NBEA: variants seen among roughly 807,000 people sequenced by gnomAD.
NBEA encodes the protein lysosomal-trafficking regulator 2.
NBEA carries 44 observed loss-of-function variants against 343.4 expected under a neutral mutation model. That is an observed-to-expected ratio of 0.13 (90% CI 0.10 to 0.16). The LOEUF (loss-of-function observed/expected upper bound fraction) is 0.16. NBEA is among the 10% of genes least tolerant of loss of function. NBEA has a pLI of 1.00. For missense variants in NBEA, 2,555 were observed against 3,631.3 expected (o/e 0.70, Z 7.62); for synonymous variants, 1,175 against 1,238.7 (o/e 0.95, Z 1.08).
chr13:34,974,853 G>C (rs1414593255), intron 1 of NBEA, among the ~76,000 whole-genome samples: 1 of 152,132 alleles, frequency 6.6e-6, no homozygotes, highest in East Asian at 1.9e-4. Context: ...GAAATAGCTT[G>C]TTCACTTGCT....
chr13:35,548,448 A>T (rs1387783976), intron 41 of NBEA, among the ~76,000 whole-genome samples: 3 of 152,218 alleles, frequency 2.0e-5, no homozygotes, highest in Non-Finnish European at 2.9e-5. Flanking sequence ...GTGTATACAC[A>T]TGTGAGATAT....
chr13:35,193,272 T>C (rs576494188), intron 30 of NBEA, among the ~76,000 whole-genome samples: 55 of 152,090 alleles, frequency 3.6e-4, no homozygotes, highest in African/African-American at 1.2e-3. Flanking sequence ...TCTTATCTTC[T>C]CATTCTAGAT....
chr13:35,244,939 C>G (rs973242041), intron 34 of NBEA, among the ~76,000 whole-genome samples: 2 of 152,024 alleles, frequency 1.3e-5, no homozygotes, highest in Non-Finnish European at 2.9e-5. Context: ...ACTGATTCGT[C>G]TACATTAACT....
chr13:35,081,099 A>G (rs2064369518), intron 10 of NBEA, among the ~76,000 whole-genome samples: 1 of 152,162 alleles, frequency 6.6e-6, no homozygotes, highest in African/African-American at 2.4e-5. Flanking sequence ...GCTTCGTAGT[A>G]TGGCTTGCTG....
At chr13:35,077,910 A>G (rs1475710611) in intron 10 of NBEA, among the ~76,000 whole-genome samples, 4 of 152,166 alleles carry the variant, frequency 2.6e-5, no homozygotes, top group Admixed American at 2.6e-4. Flanking sequence ...GTATTTATGA[A>G]TAAAAGGTGC....
intron 41 of NBEA, among the ~76,000 whole-genome samples, chr13:35,501,891 T>A (rs539912746): frequency 1.3e-5 from 2 of 152,246 alleles, no homozygotes; most frequent in African/African-American, 4.8e-5. Context: ...CTGATTTTTT[T>A]CCACATTGTC....
chr13:35,337,107 A>C (rs2039307908), intron 36 of NBEA, among the ~76,000 whole-genome samples: 1 of 151,602 alleles, frequency 6.6e-6, no homozygotes, highest in Non-Finnish European at 1.5e-5. Context: ...AAGAAGAAAT[A>C]AATAAGACAT....
intron 1 of NBEA, among the ~76,000 whole-genome samples, chr13:34,996,108 A>T (rs1314426700): frequency 6.6e-6 from 1 of 152,174 alleles, no homozygotes; most frequent in Non-Finnish European, 1.5e-5. Flanking sequence ...GCCTATGTCC[A>T]TTCCTAATCT....
intron 34 of NBEA, among the ~76,000 whole-genome samples, chr13:35,268,761 A>T (rs1015305893): frequency 6.6e-6 from 1 of 152,212 alleles, no homozygotes; most frequent in African/African-American, 2.4e-5. Context: ...GGTCCATTTT[A>T]ATGTATGATC....
intron 39 of NBEA, among the ~76,000 whole-genome samples, chr13:35,436,279 T>G (rs2045429105): frequency 6.6e-6 from 1 of 152,084 alleles, no homozygotes. Context: ...TGTTTTGGAG[T>G]TGTATAGATG....
chr13:35,043,442 A>ACCC (rs2062727724), intron 2 of NBEA, among the ~76,000 whole-genome samples: 8 of 151,904 alleles, frequency 5.3e-5, no homozygotes, highest in Non-Finnish European at 8.8e-5. Flanking sequence ...CATTGCAGCT[A>ACCC]ATTGCTTAAA....
chr13:35,141,093 TAA>T (rs1453171990), intron 17 of NBEA, among the ~76,000 whole-genome samples: 1 of 152,082 alleles, frequency 6.6e-6, no homozygotes, highest in African/African-American at 2.4e-5. Context: ...CACTTAGCTA[TAA>T]GAGAGGCTGG....
intron 41 of NBEA, among the ~76,000 whole-genome samples, chr13:35,539,792 T>C (rs972921002): frequency 1.3e-5 from 2 of 150,856 alleles, no homozygotes; most frequent in Non-Finnish European, 3.0e-5. Context: ...GGCGGGCGCC[T>C]GTAGTCCCAG....
chr13:34,945,454 A>C (rs1358992988), intron 1 of NBEA, among the ~76,000 whole-genome samples: 1 of 152,132 alleles, frequency 6.6e-6, no homozygotes, highest in African/African-American at 2.4e-5. Context: ...CATTTAAAAA[A>C]CTGATTATCA....
At chr13:35,078,632 C>G (rs936061472) in intron 10 of NBEA, among the ~76,000 whole-genome samples, 16 of 152,048 alleles carry the variant, frequency 1.1e-4, no homozygotes, top group African/African-American at 3.6e-4. Flanking sequence ...TGGCCATAGG[C>G]AAGGATTTAT....
Position 35,395,085 on chromosome 13 carries a change from C to T in NBEA, c.6180-37184C>T, listed in dbSNP as rs2042681805. ...GAGATCTTGTTATTGATTTATACTT[C>T]AACTCCATTGTAATCAGAGAACATA... On this transcript the variant is annotated intron_variant, in intron 38 of 58. Coordinates refer to ENST00000379939, the MANE Select transcript of NBEA (RefSeq NM_001385012.1). 2.0e-5 allele frequency among the ~76,000 whole-genome samples: 3 copies of T among 152,210 alleles called. No individual in the cohort carries two copies. The South Asian group carries it at 6.2e-4, about 32-fold the overall frequency.
intron 48 of NBEA, among the ~76,000 whole-genome samples, chr13:35,608,192 C>CT (rs545516147): frequency 1.1e-4 from 17 of 150,934 alleles, no homozygotes; most frequent in South Asian, 2.1e-4. Flanking sequence ...GTTCTCCCCC[C>CT]TTTTTTTTTA....
intron 38 of NBEA, among the ~76,000 whole-genome samples, chr13:35,424,183 A>T (rs567273182): frequency 9.2e-5 from 14 of 151,994 alleles, no homozygotes; most frequent in South Asian, 8.3e-4. Flanking sequence ...CTTCCAACAC[A>T]TTGTTGAATA....
intron 1 of NBEA, among the ~76,000 whole-genome samples, chr13:34,954,195 A>G (rs1001136688): frequency 5.9e-5 from 9 of 152,130 alleles, no homozygotes; most frequent in African/African-American, 2.2e-4. Context: ...ATGTGCAAAT[A>G]CTATACCATT....
Sources: gnomAD v4.1 joint callset for allele counts (sites outside exome capture counted in the v4.1 genomes callset) on GRCh38, gnomAD v4.1.1 for gene constraint, MANE v1.5 for transcripts, NCBI Gene and HGNC (gene_info 2026-07-23, HGNC 2026-07-21) for gene names.